Variants in TRPM6 observed in about 807,000 individuals in gnomAD.
The protein encoded by TRPM6 is transient receptor potential cation channel subfamily M member 6, also known as channel kinase 2.
A neutral mutation model predicts 247.6 loss-of-function variants in TRPM6; 111 were observed. The observed-to-expected ratio is 0.45, with a 90% CI of 0.38 to 0.52. TRPM6 has a LOEUF of 0.52. TRPM6 is among the 20% of genes least tolerant of loss of function. The pLI is 0.00. For missense variants in TRPM6, 2,126 were observed against 2,421.5 expected (o/e 0.88, Z 2.56); for synonymous variants, 892 against 853.8 (o/e 1.04, Z -0.78).
intron 1 of TRPM6, among the ~76,000 whole-genome samples, chr9:74,861,183 A>C (rs1288871065): frequency 6.6e-6 from 1 of 152,226 alleles, no homozygotes; most frequent in African/African-American, 2.4e-5. Flanking sequence ...ACAAAAAGTC[A>C]GTATGTCCTC....
chr9:74,761,438 G>GCACC (rs1268942571), intron 27 of TRPM6, among the ~76,000 whole-genome samples: 7 of 152,174 alleles, frequency 4.6e-5, no homozygotes, highest in Non-Finnish European at 8.8e-5. Context: ...ATCTGGGTGT[G>GCACC]GTTGTGTATG....
At chr9:74,872,600 T>TTTTTTGTGTGTG (rs1554737834) in intron 1 of TRPM6, among the ~76,000 whole-genome samples, 3 of 150,090 alleles carry the variant, frequency 2.0e-5, no homozygotes, top group Non-Finnish European at 3.0e-5. Context: ...CCAGCAAATT[T>TTTTTTGTGTGTG]TGTGTGTGTG....
At position 74,827,882 on chromosome 9, in the gene TRPM6, G is replaced by A. The variant is rs368805281; in HGVS notation, c.737C>T (p.Ser246Leu). 6 of 1,613,926 alleles carry A rather than the reference G, an allele frequency of 3.7e-6. No homozygotes were observed. In the African/African-American group the frequency reaches 4.0e-5, roughly 11 times the overall value. The change falls in exon 7 of 39, where the codon TCG becomes TTG. Residue 246 changes from serine to leucine, a missense_variant. By Grantham distance (145) the Ser-to-Leu change is moderately radical. This residue lies in a region of TRPM6 where 1,082 missense variants were observed against 1,307.9 expected (regional missense o/e 0.83). Coordinates refer to ENST00000360774, the MANE Select transcript of TRPM6 (RefSeq NM_017662.5). ...CCCATCATCAGACAGGATGAAGTGCGAGTGCATGCTGTTGAGTGTTGTGAG... is the reference window on the plus strand; with the variant it reads ...CCCATCATCAGACAGGATGAAGTGCAAGTGCATGCTGTTGAGTGTTGTGAG... ...SKLTTLNSMH[S>L]HFILSDDGTV...
rs1245953424 is a variant in TRPM6 at position 74,782,632 on chromosome 9, A to G, written c.3094+47T>C. 3 of 1,597,796 alleles carry G rather than the reference A, an allele frequency of 1.9e-6. No homozygotes were observed. In the African/African-American group the frequency reaches 4.0e-5, roughly 21 times the overall value. On this transcript the variant is annotated intron_variant, in intron 22 of 38. Transcript: ENST00000360774. ...TTTTCAGATGTATTTTACTCTTGTT[A>G]ACTATGAAGGCACAATTTCTGCATG... is the stretch of plus-strand genomic sequence containing the variant.
intron 20 of TRPM6, among the ~76,000 whole-genome samples, chr9:74,788,030 T>G (rs560190293): frequency 6.6e-6 from 1 of 152,108 alleles, no homozygotes; most frequent in East Asian, 1.9e-4. Flanking sequence ...CTTTTTTTTT[T>G]AAAGTAACTC....
rs1826671645 is a variant in TRPM6 at position 74,762,271 on chromosome 9, C to T, written c.4400G>A (p.Ser1467Asn). 3 of 1,614,216 alleles carry T rather than the reference C, an allele frequency of 1.9e-6. No individual in the cohort carries two copies. The highest frequency in any genetic ancestry group is 2.5e-6 in the Non-Finnish European group (3 of 1,180,034). The change falls in exon 26 of 39, where the codon AGC becomes AAC. Residue 1467 changes from serine (S) to asparagine (N), a missense_variant. Ser to Asn is a conservative substitution (Grantham distance 46, BLOSUM62 1). Around this residue, in one of 3 missense-constraint regions of TRPM6, gnomAD observed 717 missense variants for 715.9 expected, o/e 1.00. Coordinates refer to ENST00000360774, the MANE Select transcript of TRPM6 (RefSeq NM_017662.5). ...FSEGDETGVF[S>N]IKKKWQTCLP... Reference sequence around the variant, plus strand: ...GCAGGTTTGCCACTTTTTCTTGATGCTAAACACACCAGTTTCATCACCTTC... The same window carrying T: ...GCAGGTTTGCCACTTTTTCTTGATGTTAAACACACCAGTTTCATCACCTTC...
chr9:74,763,113 C>T lies in TRPM6; in HGVS notation c.3558G>A (p.Gln1186=). 1.2e-6 allele frequency: 2 copies of T among 1,612,086 alleles called. No homozygotes were observed. The highest frequency in any genetic ancestry group is 2.2e-5 in the East Asian group (1 of 44,874). The change falls in exon 26 of 39, where the codon CAG becomes CAA. Residue 1186 remains glutamine, a synonymous_variant. Transcript: ENST00000360774. ...TSERVTEMYF[Q]LKEMNEKVSF... ...ACACCTTTTCATTCATTTCTTTCAG[C>T]TGGAAGTACATCTCTGTAACCCTAG...
chr9:74,843,587 T>C (rs1423125693), intron 3 of TRPM6, among the ~76,000 whole-genome samples: 2 of 151,760 alleles, frequency 1.3e-5, no homozygotes, highest in East Asian at 3.9e-4. Context: ...GGCGGGTGGA[T>C]CATGAGGTCA....
chr9:74,846,811 C>T (rs1029684816), intron 3 of TRPM6, among the ~76,000 whole-genome samples: 7 of 152,250 alleles, frequency 4.6e-5, no homozygotes, highest in East Asian at 1.9e-4. Context: ...GGCCTTCCAA[C>T]GTGCTGGGAT....
chr9:74,884,226 C>T (rs2118545972), intron 1 of TRPM6, among the ~76,000 whole-genome samples: 1 of 152,298 alleles, frequency 6.6e-6, no homozygotes, highest in Non-Finnish European at 1.5e-5. Context: ...CACAGTGGCT[C>T]ACACCTATAA....
In TRPM6 at chr9:74,786,161, T is replaced by A. The variant is rs779015482; in HGVS notation, c.2668-36A>T. The A allele has an allele frequency of 1.9e-6, 3 of 1,611,994 alleles. No homozygotes were observed. In the African/African-American group the frequency reaches 4.0e-5, roughly 22 times the overall value. On this transcript the variant is annotated intron_variant, in intron 20 of 38. Transcript: ENST00000360774. Reference sequence around the variant, plus strand: ...GAAGAAGGAAACTTTAAAAAGGAGGTACAACCAAAGAATCCCATCAATATG... The same window carrying A: ...GAAGAAGGAAACTTTAAAAAGGAGGAACAACCAAAGAATCCCATCAATATG...
rs145668078 is a variant in TRPM6, at chr9:74,810,826, C to G, written c.1486G>C (p.Asp496His). ...TNTLLHHLVQ[D>H]VKQHTLLSGY... ...CTTAATTAGGTTACCTGTTTCACAT[C>G]TTGGACGAGATGATGCAAGAGTGTA... is the stretch of plus-strand genomic sequence containing the variant. The change falls in exon 13 of 39, where the codon GAT becomes CAT. Residue 496 changes from aspartate (D) to histidine (H), a missense_variant. By Grantham distance (81) the Asp-to-His change is moderately conservative. Around this residue, in one of 3 missense-constraint regions of TRPM6, gnomAD observed 1,082 missense variants for 1,307.9 expected, o/e 0.83. Transcript: ENST00000360774. The G allele has an allele frequency of 1.9e-6, 3 of 1,613,770 alleles. No individual in the cohort carries two copies. Among genetic ancestry groups the G allele is most frequent in the Non-Finnish European group, 2.5e-6 (3 of 1,179,824 alleles).
intron 1 of TRPM6, among the ~76,000 whole-genome samples, chr9:74,878,024 G>A (rs1282438650): frequency 6.6e-6 from 1 of 152,046 alleles, no homozygotes; most frequent in African/African-American, 2.4e-5. Context: ...CACCACAGTT[G>A]GCACCTGAGC....
intron 23 of TRPM6, among the ~76,000 whole-genome samples, chr9:74,780,584 C>T (rs1827403734): frequency 1.3e-5 from 2 of 152,068 alleles, no homozygotes; most frequent in South Asian, 2.1e-4. Flanking sequence ...GAGTAATATC[C>T]TCTGATGTCT....
chr9:74,881,623 C>T (rs926814879), intron 1 of TRPM6, among the ~76,000 whole-genome samples: 2 of 152,054 alleles, frequency 1.3e-5, no homozygotes, highest in East Asian at 1.9e-4. Flanking sequence ...TCCAACAGTT[C>T]CAGAATACAC....
rs756504221 is a variant in TRPM6, at chr9:74,792,750, C to T, written c.2412G>A (p.Arg804=). Residue 804 remains arginine, a synonymous_variant, in exon 19 of 39, where the codon AGG becomes AGA. Transcript: ENST00000360774. ...SASVKEYDLE[R]GHDEKLDENQ... ...TTTCATCCAGTTTCTCATCATGGCC[C>T]CTTTCCAAATCATACTCTTTCTATA... The T allele has an allele frequency of 5.0e-6, 8 of 1,613,826 alleles. No individual in the cohort carries two copies. The highest frequency in any genetic ancestry group is 6.8e-6 in the Non-Finnish European group (8 of 1,179,778).
At chr9:74,847,165 T>A (rs528187144) in intron 3 of TRPM6, among the ~76,000 whole-genome samples, 24 of 152,216 alleles carry the variant, frequency 1.6e-4, no homozygotes, top group East Asian at 3.9e-4. Context: ...TGTAAAAAAA[T>A]TTTTTTAAAT....
At chr9:74,775,764 T>A (rs919374659) in intron 24 of TRPM6, 119 bp downstream of exon 24, 1 of 1,004,108 alleles carries the variant, frequency 1.0e-6, no homozygotes, top group African/African-American at 1.6e-5. Context: ...GATATTCTAT[T>A]GTCAGGGAAC....
chr9:74,827,513 G>T (rs1829380005), intron 7 of TRPM6, among the ~76,000 whole-genome samples: 1 of 151,966 alleles, frequency 6.6e-6, no homozygotes, highest in Non-Finnish European at 1.5e-5. Flanking sequence ...CAGACTTGTG[G>T]ATGACAGTTG....
Sources: allele counts gnomAD v4.1 joint callset (sites outside exome capture counted in the v4.1 genomes callset), GRCh38; gene constraint gnomAD v4.1.1; regional missense constraint gnomAD v4.1.1; transcripts MANE v1.5; gene names NCBI Gene and HGNC (gene_info 2026-07-23, HGNC 2026-07-21).